The following EPB41L2 variants were observed in gnomAD, a reference collection of about 807,000 sequenced individuals.
The protein encoded by EPB41L2 is erythrocyte membrane protein band 4.1 like 2.
EPB41L2 carries 43 observed loss-of-function variants against 113.0 expected under a neutral mutation model. The observed-to-expected ratio is 0.38, with a 90% confidence interval of 0.30 to 0.49. The LOEUF (loss-of-function observed/expected upper bound fraction) is 0.49. Among genes scored for constraint, EPB41L2 ranks in the 20% least tolerant of loss-of-function variants. The pLI, the probability that EPB41L2 is intolerant of heterozygous loss-of-function variation, is 0.95. For missense variants in EPB41L2, 1,147 were observed against 1,223.4 expected (o/e 0.94, Z 0.93); for synonymous variants, 442 against 436.7 (o/e 1.01, Z -0.15).
intron 17 of EPB41L2, among the ~76,000 whole-genome samples, chr6:130,864,610 C>T (rs1011814895): frequency 7.2e-5 from 11 of 152,162 alleles, no homozygotes; most frequent in Non-Finnish European, 1.3e-4. Flanking sequence ...TGGGAAAGCG[C>T]ACATCCAACA....
rs924085599 is a variant in EPB41L2, at chr6:130,944,591, A to T, written c.705+10514T>A. 2.0e-5 allele frequency among the ~76,000 whole-genome samples: 3 copies of T among 152,218 alleles called. 1 individual carries two copies. Among genetic ancestry groups the T allele is most frequent in the African/African-American group, 7.2e-5 (3 of 41,464 alleles). The stretch of plus-strand genomic sequence containing the variant: ...GGTGCAAACAAGTTCCAAGGAAGAA[A>T]AGAACATTCTGAGAGCTGGATTTGA... On this transcript the variant is annotated intron_variant, in intron 3 of 19. Coordinates refer to ENST00000337057, the MANE Select transcript of EPB41L2 (RefSeq NM_001431.4).
intron 1 of EPB41L2, among the ~76,000 whole-genome samples, chr6:131,028,722 G>A (rs979116705): frequency 3.3e-5 from 5 of 151,756 alleles, no homozygotes; most frequent in Admixed American, 3.3e-4. Context: ...AATTCTTCAG[G>A]GTACATTACC....
At chr6:131,008,859 ATGCC>A (rs1002806398) in intron 1 of EPB41L2, among the ~76,000 whole-genome samples, 1 of 152,206 alleles carries the variant, frequency 6.6e-6, no homozygotes, top group African/African-American at 2.4e-5. Context: ...TAAATACCCA[ATGCC>A]TGTACCCCCA....
intron 1 of EPB41L2, among the ~76,000 whole-genome samples, chr6:131,019,230 T>C (rs1032830932): frequency 5.3e-5 from 8 of 152,190 alleles, no homozygotes; most frequent in Admixed American, 2.0e-4. Flanking sequence ...CATATTTTGT[T>C]AGATTTGTTC....
At chr6:130,933,714 GA>G (rs1373902486) in intron 3 of EPB41L2, among the ~76,000 whole-genome samples, 3 of 152,164 alleles carry the variant, frequency 2.0e-5, no homozygotes, top group Admixed American at 1.3e-4. Flanking sequence ...GCAGCCCAAG[GA>G]AGGCAGGCTG....
chr6:130,986,953 C>T (rs546994615), intron 1 of EPB41L2, among the ~76,000 whole-genome samples: 5 of 152,292 alleles, frequency 3.3e-5, no homozygotes, highest in African/African-American at 9.6e-5. Flanking sequence ...ATAAATTTCC[C>T]GATCCTGGAC....
chr6:130,900,970 T>C lies in EPB41L2; in HGVS notation c.1140A>G (p.Lys380=), dbSNP rs577752727. 124 of 1,614,078 alleles carry C rather than the reference T, an allele frequency of 7.7e-5. No homozygotes were observed. In the Admixed American group the frequency reaches 1.1e-3, roughly 14 times the overall value. ...ELEEKVAELH[K]THRGLSPAQA... The stretch of plus-strand genomic sequence containing the variant: ...TAAGCAAGGCAACAGACCTGTGGGT[T>C]TTGTGCAGCTCTGCCACCTTCTCTT... Residue 380 remains lysine (K), a synonymous_variant, in exon 7 of 20, where the codon AAA becomes AAG. Coordinates refer to ENST00000337057, the MANE Select transcript of EPB41L2 (RefSeq NM_001431.4).
At chr6:130,991,299 A>G (rs1048490814) in intron 1 of EPB41L2, among the ~76,000 whole-genome samples, 1 of 152,164 alleles carries the variant, frequency 6.6e-6, no homozygotes, top group African/African-American at 2.4e-5. Context: ...ACAAAACACA[A>G]TGGTAGTCAT....
intron 14 of EPB41L2, among the ~76,000 whole-genome samples, chr6:130,871,083 T>A (rs1220036758): frequency 6.6e-6 from 1 of 152,192 alleles, no homozygotes; most frequent in African/African-American, 2.4e-5. Context: ...CCTTCAGACA[T>A]CTACTTCTTG....
At chr6:130,985,294 T>C (rs751644583) in intron 1 of EPB41L2, among the ~76,000 whole-genome samples, 1 of 151,926 alleles carries the variant, frequency 6.6e-6, no homozygotes, top group Admixed American at 6.6e-5. Flanking sequence ...TCAGCCACAT[T>C]TGGGGGGGGA....
chr6:131,026,054 A>C (rs1448657679), intron 1 of EPB41L2, among the ~76,000 whole-genome samples: 1 of 152,302 alleles, frequency 6.6e-6, no homozygotes, highest in East Asian at 1.9e-4. Context: ...TACATTTGTA[A>C]ATCTGAAGAG....
At chr6:131,005,126 G>A (rs1785183010) in intron 1 of EPB41L2, among the ~76,000 whole-genome samples, 2 of 151,026 alleles carry the variant, frequency 1.3e-5, no homozygotes, top group African/African-American at 4.9e-5. Context: ...GGAAGAAGCT[G>A]CAACTTCTAT....
chr6:130,979,365 C>A (rs199785599), intron 1 of EPB41L2, among the ~76,000 whole-genome samples: 1 of 138,254 alleles, frequency 7.2e-6, no homozygotes, highest in Non-Finnish European at 1.6e-5. Context: ...AAAAGTGGCA[C>A]ACGCCTGTAA....
At chr6:130,864,167 G>T (rs577881078) in intron 17 of EPB41L2, among the ~76,000 whole-genome samples, 80 of 152,266 alleles carry the variant, frequency 5.3e-4, no homozygotes, top group Non-Finnish European at 9.7e-4. Context: ...AAGAATTTAG[G>T]TATCTGTTTT....
At chr6:130,974,907 G>A (rs112258750) in intron 1 of EPB41L2, among the ~76,000 whole-genome samples, 1,551 of 151,436 alleles carry the variant, frequency 0.01, 36 homozygotes, top group African/African-American at 0.036. Context: ...ACAGGTGCCC[G>A]CCACCACACC....
At chr6:131,008,386 G>A (rs887088988) in intron 1 of EPB41L2, among the ~76,000 whole-genome samples, 4 of 152,274 alleles carry the variant, frequency 2.6e-5, no homozygotes, top group African/African-American at 9.6e-5. Flanking sequence ...TTCAGAGGAT[G>A]TATGGAAACA....
intron 1 of EPB41L2, among the ~76,000 whole-genome samples, chr6:131,043,972 T>C (rs568065574): frequency 6.9e-4 from 105 of 151,772 alleles, no homozygotes; most frequent in African/African-American, 2.5e-3. Context: ...GGAATCAATA[T>C]GCTATTCAGT....
At chr6:130,856,023 T>C (rs931690718) in intron 19 of EPB41L2, among the ~76,000 whole-genome samples, 15 of 152,180 alleles carry the variant, frequency 9.9e-5, no homozygotes, top group African/African-American at 3.4e-4. Flanking sequence ...AGAAACTTGA[T>C]ATAGGATGCT....
Position 130,878,189 on chromosome 6 carries a change from C to A in EPB41L2, c.1958G>T (p.Arg653Leu). 1 of 1,613,186 alleles carries A rather than the reference C, an allele frequency of 6.2e-7. No individual in the cohort carries two copies. Among genetic ancestry groups the A allele is most frequent in the Non-Finnish European group, 8.5e-7 (1 of 1,179,684 alleles). The change falls in exon 14 of 20, where the codon CGC becomes CTC. Residue 653 changes from arginine (R) to leucine (L), a missense_variant. Physicochemically the swap from Arg to Leu is moderately radical, Grantham distance 102. Coordinates refer to ENST00000337057, the MANE Select transcript of EPB41L2 (RefSeq NM_001431.4). Reference sequence around the variant, plus strand: ...CTCAGGTGTGGATTCCATAAAATTGCGCTTGAGTTCACTAATGCTAGCCTG... The same window carrying A: ...CTCAGGTGTGGATTCCATAAAATTGAGCTTGAGTTCACTAATGCTAGCCTG... The part of the protein sequence containing the change: ...KHQASISELK[R>L]NFMESTPEPR...
Sources: allele counts gnomAD v4.1 joint callset (sites outside exome capture counted in the v4.1 genomes callset), GRCh38; gene constraint gnomAD v4.1.1; transcripts MANE v1.5; gene names NCBI Gene and HGNC (gene_info 2026-07-23, HGNC 2026-07-21).